Variants in SP140 observed in about 807,000 individuals in gnomAD.
The protein encoded by SP140 is nuclear body protein SP140.
In SP140, 81 loss-of-function variants were observed where a neutral mutation model predicts 125.0. The observed-to-expected ratio is 0.65, with a 90% CI of 0.54 to 0.78. The LOEUF (loss-of-function observed/expected upper bound fraction) is 0.78. SP140 is among the 30% of genes least tolerant of loss of function. The pLI is 0.00. For synonymous variants in SP140, 312 were observed against 354.0 expected (o/e 0.88, Z 1.33); for missense variants, 858 against 1,037.0 (o/e 0.83, Z 2.37).
At chr2:230,233,522 A>G (rs1429005753) in intron 1 of SP140, among the ~76,000 whole-genome samples, 1 of 152,272 alleles carries the variant, frequency 6.6e-6, no homozygotes, top group Middle Eastern at 3.4e-3. Flanking sequence ...ATATTTTTAT[A>G]TTTTTAAAAA....
chr2:230,312,561 G>A lies in SP140; in HGVS notation c.2506-25G>A, dbSNP rs777269478. On this transcript the variant is annotated intron_variant, in intron 26 of 26. Coordinates refer to ENST00000392045, the MANE Select transcript of SP140 (RefSeq NM_007237.5). ...CATGACGCTAATGATGAGGAGCATT[G>A]TTTTTGTCTTTATTATTTTTTCAGT... 15 of 1,496,466 alleles carry A rather than the reference G, an allele frequency of 1.0e-5. No individual in the cohort carries two copies. The African/African-American group carries it at 1.9e-4, about 19-fold the overall frequency. 92.7% of individuals were successfully genotyped at this position (1,496,466 alleles called of 1,614,324 possible).
chr2:230,196,699 C>A, the SP140 span, among the ~76,000 whole-genome samples: 488 of 151,672 alleles, frequency 3.2e-3, 2 homozygotes, highest in African/African-American at 0.011. Flanking sequence ...CTCCTCCCCG[C>A]ACCCCACAAC....
Position 230,295,518 on chromosome 2 carries a change from T to C in SP140, c.2016+1200T>C, listed in dbSNP as rs567629217. Among the ~76,000 whole-genome samples, 3 of 152,278 alleles carry C rather than the reference T, an allele frequency of 2.0e-5. No homozygotes were observed. The East Asian group carries it at 5.8e-4, about 29-fold the overall frequency. On this transcript the variant is annotated intron_variant, in intron 21 of 26. Coordinates refer to ENST00000392045, the MANE Select transcript of SP140 (RefSeq NM_007237.5). ...TCCGACTAACCGACTCTCCCTCTAT[T>C]CTGGGGTGCAAAACTTAGCAGCGAC...
At chr2:230,221,797 A>G (rs1382913442), upstream of SP140, 1 of 1,366,506 alleles carries the variant, frequency 7.3e-7, no homozygotes, top group Non-Finnish European at 1.0e-6. Context: ...ATTCAGAGAT[A>G]CACCAGGCAA....
intron 20 of SP140, 70 bp from the exon 21 acceptor site, chr2:230,294,201 G>A: frequency 8.0e-7 from 1 of 1,246,856 alleles, no homozygotes; most frequent in Non-Finnish European, 1.2e-6. Flanking sequence ...TTTGGGAGGA[G>A]GTTGGAAATG....
Position 230,211,132 on chromosome 2 carries a change from C to T in SP140, c.-322-2522C>T, listed in dbSNP as rs527921790. Among the ~76,000 whole-genome samples the T allele has an allele frequency of 4.6e-5, 7 of 152,312 alleles. No homozygotes were observed. In the South Asian group the frequency reaches 1.0e-3, roughly 23 times the overall value. On this transcript the variant is annotated intron_variant, in intron 1 of 4. Coordinates refer to the SP140 transcript ENST00000456542. This position sits in a 1 kb window ranked among gnomAD's most constrained non-coding sequence, Gnocchi z 4.2. ...TTTCCCCTGGGGTTCCTGCCACAACCCTTTGTGGCAGGTGAATGTTTCCCT... is the reference window on the plus strand; with the variant it reads ...TTTCCCCTGGGGTTCCTGCCACAACTCTTTGTGGCAGGTGAATGTTTCCCT...
intron 26 of SP140, among the ~76,000 whole-genome samples, chr2:230,311,993 C>T (rs2059369949): frequency 6.6e-6 from 1 of 152,180 alleles, no homozygotes; most frequent in South Asian, 2.1e-4. Context: ...CATATCCCAA[C>T]AAGGATTGCC....
rs371718155 is a variant in SP140, at chr2:230,245,881, T to C, written c.683T>C (p.Ile228Thr). ...TCTGCAGTGTCCTGTAAACTTGCTA[T>C]ACAAATAGATGAAGGAGAATCAGAA... ...PGGGVSCKLAIQIDEGESEEM... is the reference protein window; with the variant it reads ...PGGGVSCKLATQIDEGESEEM... Residue 228 changes from isoleucine (I) to threonine (T), a missense_variant, in exon 7 of 27, where the codon ATA becomes ACA. By Grantham distance (89) the Ile-to-Thr change is moderately conservative. Around this residue, in one of 4 missense-constraint regions of SP140, gnomAD observed 791 missense variants for 869.5 expected, o/e 0.91. Coordinates refer to ENST00000392045, the MANE Select transcript of SP140 (RefSeq NM_007237.5). 44 of 1,606,638 alleles carry C rather than the reference T, an allele frequency of 2.7e-5. No homozygotes were observed. Among genetic ancestry groups the C allele is most frequent in the Admixed American group, 5.0e-5 (3 of 59,944 alleles).
chr2:230,283,970 A>G (rs1431667670), intron 15 of SP140, among the ~76,000 whole-genome samples: 1 of 152,236 alleles, frequency 6.6e-6, no homozygotes, highest in Non-Finnish European at 1.5e-5. Flanking sequence ...AATATTATCC[A>G]TAACACCATC....
chr2:230,248,070 G>A lies in SP140; in HGVS notation c.892+5G>A. 2 of 1,612,776 alleles carry A rather than the reference G, an allele frequency of 1.2e-6. No homozygotes were observed. Among genetic ancestry groups the A allele is most frequent in the Non-Finnish European group, 1.7e-6 (2 of 1,179,410 alleles). ...GTCCAGAGGGAAGAGACAAAGGTAG[G>A]AACAGAAGAAGCAGAGACATGTGTC... On this transcript the variant is annotated splice_donor_5th_base_variant and intron_variant, in intron 8 of 26. Coordinates refer to ENST00000392045, the MANE Select transcript of SP140 (RefSeq NM_007237.5).
At chr2:230,304,090 A>G (rs2058544285) in intron 22 of SP140, among the ~76,000 whole-genome samples, 1 of 152,266 alleles carries the variant, frequency 6.6e-6, no homozygotes, top group Non-Finnish European at 1.5e-5. Flanking sequence ...ACAAATCAAT[A>G]GCACTGTTAT....
upstream of SP140, among the ~76,000 whole-genome samples, chr2:230,201,320 A>G (rs2043164399): frequency 6.6e-6 from 1 of 152,206 alleles, no homozygotes; most frequent in African/African-American, 2.4e-5. Flanking sequence ...AATTGTTTTC[A>G]TAATATGATG....
At chr2:230,221,498 G>T (rs1181788618), upstream of SP140, among the ~76,000 whole-genome samples, 1 of 152,114 alleles carries the variant, frequency 6.6e-6, no homozygotes, top group Non-Finnish European at 1.5e-5. Flanking sequence ...ACCCTAGTAT[G>T]TACAGAATAG....
rs184272676 is a variant in SP140 at position 230,253,283 on chromosome 2, T to C, written c.1058-33T>C. 1.0e-4 allele frequency: 153 copies of C among 1,475,488 alleles called. No individual in the cohort carries two copies. The African/African-American group carries it at 1.9e-3, about 18-fold the overall frequency. 91.4% of individuals were successfully genotyped at this position (1,475,488 alleles called of 1,614,324 possible). On this transcript the variant is annotated intron_variant, in intron 10 of 26. Transcript: ENST00000392045. ...CTTGGATGGCGTGAATGCACTGAGG[T>C]CTGTGTCCAAGTCACCCTCTGTGGT...
chr2:230,214,916 T>C, intron 3 of SP140: 1 of 1,598,296 alleles, frequency 6.3e-7, no homozygotes, highest in Non-Finnish European at 8.6e-7. Context: ...TAGCAACTTT[T>C]TAAATGCAAA....
At chr2:230,305,829 G>A (rs898317635) in intron 22 of SP140, among the ~76,000 whole-genome samples, 9 of 152,236 alleles carry the variant, frequency 5.9e-5, no homozygotes, top group African/African-American at 4.8e-5. Context: ...ACAAAGGGCC[G>A]CCAGAGGCCG....
At chr2:230,310,460 G>A in intron 23 of SP140, 1 of 669,462 alleles carries the variant, frequency 1.5e-6, no homozygotes, top group South Asian at 2.0e-5. Flanking sequence ...AGGCCTGACA[G>A]ACAGGGTTCC....
chr2:230,212,352 A>G lies in SP140; in HGVS notation c.-322-1302A>G. 6.2e-7 allele frequency: 1 copy of G among 1,610,774 alleles called. No individual in the cohort carries two copies. Among genetic ancestry groups the G allele is most frequent in the Non-Finnish European group, 8.5e-7 (1 of 1,176,890 alleles). ...TCAGCCCCAGTCAGTGTTACCTTGC[A>G]CAGTGCTAGTGAGGAGGCTGGGCAT... On this transcript the variant is annotated intron_variant, in intron 1 of 4. Transcript: ENST00000456542.
At chr2:230,215,029 A>G in intron 3 of SP140, 1 of 1,613,572 alleles carries the variant, frequency 6.2e-7, no homozygotes, top group Non-Finnish European at 8.5e-7. Flanking sequence ...TCACCAGAAG[A>G]GACAGGTTAA....
Sources: allele counts gnomAD v4.1 joint callset (sites outside exome capture counted in the v4.1 genomes callset), GRCh38; gene constraint gnomAD v4.1.1; regional missense constraint gnomAD v4.1.1; non-coding constraint Gnocchi (gnomAD v3.1); transcripts MANE v1.5; gene names NCBI Gene and HGNC (gene_info 2026-07-23, HGNC 2026-07-21).